TAF3: variants seen among roughly 807,000 people sequenced by gnomAD.
The protein encoded by TAF3 is TATA-box binding protein associated factor 3.
In TAF3, 7 loss-of-function variants were observed where a neutral mutation model predicts 80.6. That is an observed-to-expected ratio of 0.09 (90% CI 0.05 to 0.16). The LOEUF is 0.16. Ranked by LOEUF, TAF3 falls within the 10% of genes least tolerant of loss-of-function variation. The probability of loss-of-function intolerance (pLI) is 1.00; values close to 1 mark genes in which losing one functional copy is unlikely to be tolerated. For missense variants in TAF3, 921 were observed against 1,140.2 expected, an observed-to-expected ratio of 0.81 and a Z score of 2.77; for synonymous variants, 444 against 446.1, an observed-to-expected ratio of 1.00 and a Z score of 0.06.
chr10:7,965,544 G>T lies in TAF3; in HGVS notation c.2034G>T (p.Leu678=), dbSNP rs569018625. The T allele has an allele frequency of 1.9e-6, 3 of 1,601,216 alleles. No homozygotes were observed. Among genetic ancestry groups the T allele is most frequent in the East Asian group, 2.2e-5 (1 of 44,750 alleles). ...CAGCCTCCAGGGTCCCAGCCATGCT[G>T]CCATCTTTGTTGCCAGTGCTTCCGG... ...PATASRVPAM[L]PSLLPVLPEK... The change falls in exon 3 of 7, where the codon CTG becomes CTT. Residue 678 remains leucine, a synonymous_variant. Coordinates refer to ENST00000344293, the MANE Select transcript of TAF3 (RefSeq NM_031923.4).
At chr10:7,907,125 G>A (rs1396822887) in intron 2 of TAF3, among the ~76,000 whole-genome samples, 1 of 152,182 alleles carries the variant, frequency 6.6e-6, no homozygotes, top group Non-Finnish European at 1.5e-5. Context: ...TCAAAGCCAG[G>A]TCTGGCACAT....
intron 2 of TAF3, among the ~76,000 whole-genome samples, chr10:7,938,737 T>A (rs1015958878): frequency 6.6e-6 from 1 of 152,096 alleles, no homozygotes; most frequent in African/African-American, 2.4e-5. Flanking sequence ...TCAGCAACAT[T>A]AAAGTGACAG....
chr10:7,852,945 T>A (rs559182924), intron 2 of TAF3, among the ~76,000 whole-genome samples: 1 of 152,382 alleles, frequency 6.6e-6, no homozygotes, highest in African/African-American at 2.4e-5. Context: ...TAGTTGTGCA[T>A]ATGTTTTTTG....
At chr10:7,969,997 C>T (rs1831607544) in intron 3 of TAF3, among the ~76,000 whole-genome samples, 1 of 152,218 alleles carries the variant, frequency 6.6e-6, no homozygotes, top group African/African-American at 2.4e-5. Context: ...CATACCTTCT[C>T]GAAGAATATT....
At chr10:7,899,193 A>C (rs927532889) in intron 2 of TAF3, among the ~76,000 whole-genome samples, 1 of 152,096 alleles carries the variant, frequency 6.6e-6, no homozygotes. Context: ...CCTCACCTAC[A>C]TCCTTGCCTG....
At chr10:7,836,272 T>C (rs953491699) in intron 2 of TAF3, among the ~76,000 whole-genome samples, 2 of 145,958 alleles carry the variant, frequency 1.4e-5, no homozygotes, top group Non-Finnish European at 3.0e-5. Flanking sequence ...GTTGGCCATT[T>C]CCACGTTTTC....
At chr10:7,873,807 T>C (rs1320021595) in intron 2 of TAF3, among the ~76,000 whole-genome samples, 2 of 152,244 alleles carry the variant, frequency 1.3e-5, no homozygotes, top group Non-Finnish European at 2.9e-5. Context: ...AAGAACTTAA[T>C]GCTGTTTATA....
chr10:7,863,334 G>A (rs1206532045), intron 2 of TAF3, among the ~76,000 whole-genome samples: 2 of 151,812 alleles, frequency 1.3e-5, no homozygotes, highest in Non-Finnish European at 2.9e-5. Flanking sequence ...TATAAGGCTG[G>A]GCATGACAGG....
At chr10:7,981,194 C>T (rs1368798870) in intron 4 of TAF3, among the ~76,000 whole-genome samples, 7 of 152,178 alleles carry the variant, frequency 4.6e-5, no homozygotes, top group Admixed American at 4.6e-4. Context: ...CATTCTTCCC[C>T]TCAGATTTCT....
At chr10:7,876,606 G>A (rs1191635659) in intron 2 of TAF3, among the ~76,000 whole-genome samples, 3 of 152,140 alleles carry the variant, frequency 2.0e-5, no homozygotes, top group Non-Finnish European at 2.9e-5. Context: ...GGTGAGCACC[G>A]TATACAGAAT....
rs1588533523 is a variant in TAF3, at chr10:7,872,212, G to GT, written c.409+47652_409+47653insT. On this transcript the variant is annotated intron_variant, in intron 2 of 6. Coordinates refer to ENST00000344293, the MANE Select transcript of TAF3 (RefSeq NM_031923.4). ...TGTAACATGGTAGAAGTGTTGGGTT[G>GT]ATTTTTTTTTTTTTTTTTTTTCTTT... 9.2e-4 allele frequency among the ~76,000 whole-genome samples: 34 copies of GT among 36,988 alleles called. No individual in the cohort carries two copies. In the East Asian group the frequency reaches 0.014, roughly 15 times the overall value. 24.3% of individuals were successfully genotyped at this position (36,988 alleles called of 152,430 possible). A position where few individuals can be genotyped will look rare whatever the true frequency, so the allele number is the denominator to read the frequency against.
chr10:7,969,433 TA>T (rs1186771126), intron 3 of TAF3, among the ~76,000 whole-genome samples: 2 of 152,190 alleles, frequency 1.3e-5, no homozygotes, highest in African/African-American at 4.8e-5. Flanking sequence ...TGGGATTAAG[TA>T]CAATTTTTAA....
chr10:7,949,761 T>TG (rs1205053898), intron 2 of TAF3, among the ~76,000 whole-genome samples: 1 of 151,802 alleles, frequency 6.6e-6, no homozygotes, highest in East Asian at 1.9e-4. Context: ...TATAAAACAT[T>TG]TTTTTAACTG....
At chr10:7,853,240 A>G (rs1452926770) in intron 2 of TAF3, among the ~76,000 whole-genome samples, 1 of 152,216 alleles carries the variant, frequency 6.6e-6, no homozygotes, top group Non-Finnish European at 1.5e-5. Flanking sequence ...CTTTCTAGTT[A>G]TCTTATTTTT....
chr10:7,819,161 G>T (rs540880530), intron 1 of TAF3, among the ~76,000 whole-genome samples: 1 of 152,104 alleles, frequency 6.6e-6, no homozygotes, highest in African/African-American at 2.4e-5. Context: ...ATTGTGTCTG[G>T]ATCTCTCTCA....
At chr10:7,859,805 A>G (rs1564349873) in intron 2 of TAF3, among the ~76,000 whole-genome samples, 2 of 152,156 alleles carry the variant, frequency 1.3e-5, no homozygotes, top group Non-Finnish European at 2.9e-5. Flanking sequence ...TAGCACTTAT[A>G]ATGGTGTACA....
chr10:7,932,669 A>ATTT lies in TAF3; in HGVS notation c.410-31228_410-31226dup, dbSNP rs34907761. ...CTGACGTTGATTTATGTTCCACTTA[A>ATTT]TTTTTTTTTTTTTTTTTTTTTTTTT... On this transcript the variant is annotated intron_variant, in intron 2 of 6. Coordinates refer to ENST00000344293, the MANE Select transcript of TAF3 (RefSeq NM_031923.4). Among the ~76,000 whole-genome samples the ATTT allele has an allele frequency of 4.0e-3, 314 of 78,808 alleles. 2 individuals are homozygous for ATTT. Among genetic ancestry groups the ATTT allele is most frequent in the African/African-American group, 9.1e-3 (158 of 17,390 alleles). The allele number at this position is 78,808 out of a possible 152,430, so 51.7% of individuals were successfully genotyped here. A position where few individuals can be genotyped will look rare whatever the true frequency, so the allele number is the denominator to read the frequency against.
chr10:7,882,138 A>G (rs186923397), intron 2 of TAF3, among the ~76,000 whole-genome samples: 1 of 152,340 alleles, frequency 6.6e-6, no homozygotes, highest in East Asian at 1.9e-4. Context: ...TGGGAAAACA[A>G]TTATAAATTT....
intron 4 of TAF3, among the ~76,000 whole-genome samples, chr10:7,982,020 T>C (rs1200224531): frequency 6.6e-6 from 1 of 152,200 alleles, no homozygotes; most frequent in Non-Finnish European, 1.5e-5. Context: ...TTAAAATATT[T>C]TTAAGGAAAA....
Sources: gnomAD v4.1 joint callset for allele counts (sites outside exome capture counted in the v4.1 genomes callset) on GRCh38, gnomAD v4.1.1 for gene constraint, MANE v1.5 for transcripts, NCBI Gene and HGNC (gene_info 2026-07-23, HGNC 2026-07-21) for gene names.